FBXL2: variants seen among roughly 807,000 people sequenced by gnomAD.
FBXL2 encodes the protein F-box/LRR-repeat protein 2.
A neutral mutation model predicts 69.2 loss-of-function variants in FBXL2; 38 were observed. The ratio of observed to expected loss-of-function variants is 0.55; its 90% CI spans 0.42 to 0.72. The LOEUF (loss-of-function observed/expected upper bound fraction) is 0.72, where lower values mean the gene tolerates loss of function less well. Among genes scored for constraint, FBXL2 ranks in the 30% least tolerant of loss-of-function variants. FBXL2 has a pLI of 0.00. For missense variants in FBXL2, 354 were observed against 520.3 expected (o/e 0.68, Z 3.11); for synonymous variants, 192 against 201.3 (o/e 0.95, Z 0.39).
chr3:33,366,190 C>T (rs1383299657), intron 5 of FBXL2, among the ~76,000 whole-genome samples: 2 of 151,710 alleles, frequency 1.3e-5, no homozygotes, highest in East Asian at 3.9e-4. Flanking sequence ...ACTTGAATTG[C>T]CATGTATTAT....
Position 33,320,493 on chromosome 3 carries a change from T to C in FBXL2, c.65+22768T>C, listed in dbSNP as rs541230886. Among the ~76,000 whole-genome samples, 7 of 152,182 alleles carry C rather than the reference T, an allele frequency of 4.6e-5. No individual in the cohort carries two copies. The South Asian group carries it at 6.2e-4, about 14-fold the overall frequency. On this transcript the variant is annotated intron_variant, in intron 2 of 14. Transcript: ENST00000484457. ...GGGGTAGGAAAGCATTTCTTTTTTT[T>C]TTTTTTTAGACGGAGTCTTGCTATG... is the stretch of plus-strand genomic sequence containing the variant.
intron 12 of FBXL2, among the ~76,000 whole-genome samples, chr3:33,400,709 T>C (rs1010299711): frequency 2.0e-5 from 3 of 152,002 alleles, no homozygotes; most frequent in Non-Finnish European, 2.9e-5. Context: ...AAGAACTGGA[T>C]TAAAGGGTGC....
intron 1 of FBXL2, among the ~76,000 whole-genome samples, chr3:33,280,315 G>A: frequency 6.6e-6 from 1 of 152,208 alleles, no homozygotes. Context: ...TTTACATAAA[G>A]CCTTTTGGAT....
intron 2 of FBXL2, among the ~76,000 whole-genome samples, chr3:33,318,335 T>G (rs1042647466): frequency 1.3e-5 from 2 of 152,184 alleles, no homozygotes; most frequent in African/African-American, 4.8e-5. Flanking sequence ...TCTAACAATC[T>G]GAGGCTCTAA....
In FBXL2 at chr3:33,323,830, C is replaced by A. The variant is rs560687826; in HGVS notation, c.65+26105C>A. On this transcript the variant is annotated intron_variant, in intron 2 of 14. Coordinates refer to ENST00000484457, the MANE Select transcript of FBXL2 (RefSeq NM_012157.5). ...CCTTTGGGTATATACCAAGTAATGG[C>A]ATTGCTGGGTCAAATGATATTTCTG... is the stretch of plus-strand genomic sequence containing the variant. 1.2e-4 allele frequency among the ~76,000 whole-genome samples: 19 copies of A among 152,196 alleles called. No homozygotes were observed. In the South Asian group the frequency reaches 3.3e-3, roughly 27 times the overall value.
At chr3:33,345,554 C>A (rs888288897) in intron 2 of FBXL2, among the ~76,000 whole-genome samples, 3 of 152,166 alleles carry the variant, frequency 2.0e-5, no homozygotes, top group Non-Finnish European at 2.9e-5. Flanking sequence ...TTAACTAGAA[C>A]TGATAGACAT....
chr3:33,310,912 T>C (rs112150070), intron 2 of FBXL2, among the ~76,000 whole-genome samples: 15,353 of 151,982 alleles, frequency 0.1, 806 homozygotes, highest in African/African-American at 0.12. Flanking sequence ...GTAGCTGGGA[T>C]TACAGGTGCA....
At chr3:33,413,542 A>G in the FBXL2 span, among the ~76,000 whole-genome samples, 1 of 136,628 alleles carries the variant, frequency 7.3e-6, no homozygotes, top group Non-Finnish European at 1.6e-5. Context: ...GCGAGACTCC[A>G]TCACAAAAAA....
intron 2 of FBXL2, among the ~76,000 whole-genome samples, chr3:33,353,583 T>C (rs376729152): frequency 2.0e-5 from 3 of 152,204 alleles, no homozygotes; most frequent in South Asian, 4.1e-4. Context: ...CACAAAACTA[T>C]AGCGACATTA....
chr3:33,339,990 C>T (rs1024006775), intron 2 of FBXL2, among the ~76,000 whole-genome samples: 2 of 152,212 alleles, frequency 1.3e-5, no homozygotes, highest in African/African-American at 4.8e-5. Flanking sequence ...GGACAAATTT[C>T]ACAGACAGTT....
intron 12 of FBXL2, chr3:33,393,584 G>T: frequency 2.5e-6 from 2 of 793,254 alleles, no homozygotes; most frequent in Non-Finnish European, 3.6e-6. Context: ...CATTTTAAAT[G>T]GGAATAAACT....
At chr3:33,420,778 T>C in the FBXL2 span, among the ~76,000 whole-genome samples, 2 of 152,040 alleles carry the variant, frequency 1.3e-5, no homozygotes, top group Admixed American at 1.3e-4. Flanking sequence ...TGAGCCACCA[T>C]GCCCAGCCTA....
At chr3:33,383,013 G>A (rs2043164737) in intron 13 of FBXL2, 1 of 152,128 alleles carries the variant, frequency 6.6e-6, no homozygotes, top group African/African-American at 2.4e-5. Flanking sequence ...TCTTTCCTAG[G>A]ATTAGCTCCT....
the FBXL2 span, among the ~76,000 whole-genome samples, chr3:33,410,328 T>G: frequency 6.6e-6 from 1 of 152,208 alleles, no homozygotes; most frequent in Non-Finnish European, 1.5e-5. Context: ...GACTCACTAT[T>G]AAAACTGATC....
chr3:33,310,241 T>A (rs1379120457), intron 2 of FBXL2, among the ~76,000 whole-genome samples: 1 of 152,114 alleles, frequency 6.6e-6, no homozygotes, highest in Non-Finnish European at 1.5e-5. Context: ...AATCTCTGCC[T>A]CCTGGGTTCA....
At chr3:33,422,647 C>G in the FBXL2 span, among the ~76,000 whole-genome samples, 1 of 150,982 alleles carries the variant, frequency 6.6e-6, no homozygotes, top group African/African-American at 2.4e-5. Flanking sequence ...ATCACTTTAG[C>G]CTGGGAGGTC....
At chr3:33,410,239 T>C in the FBXL2 span, among the ~76,000 whole-genome samples, 5 of 152,344 alleles carry the variant, frequency 3.3e-5, no homozygotes, top group South Asian at 4.1e-4. Flanking sequence ...CCACCCTGGA[T>C]GACAGCCTTA....
At chr3:33,341,688 A>T (rs2040024496) in intron 2 of FBXL2, among the ~76,000 whole-genome samples, 1 of 151,170 alleles carries the variant, frequency 6.6e-6, no homozygotes, top group South Asian at 2.1e-4. Context: ...AAATTAGCCG[A>T]TCATGGTGGT....
At chr3:33,304,200 C>G (rs1401907249) in intron 2 of FBXL2, among the ~76,000 whole-genome samples, 1 of 151,904 alleles carries the variant, frequency 6.6e-6, no homozygotes, top group East Asian at 1.9e-4. Context: ...TACATTTTAC[C>G]ATTGATCCAT....
Sources: gnomAD v4.1 joint callset for allele counts (sites outside exome capture counted in the v4.1 genomes callset) on GRCh38, gnomAD v4.1.1 for gene constraint, MANE v1.5 for transcripts, NCBI Gene and HGNC (gene_info 2026-07-23, HGNC 2026-07-21) for gene names.